The following MAK variants were observed in gnomAD, a reference collection of about 807,000 sequenced individuals.
MAK encodes the protein serine/threonine-protein kinase MAK.
Under a neutral mutation model 82.6 loss-of-function variants are expected in MAK, and 65 were observed. That is an observed-to-expected ratio of 0.79 (90% CI 0.64 to 0.97). MAK has a LOEUF of 0.97. MAK is among the 50% of genes least tolerant of loss of function. The pLI, the probability that MAK is intolerant of heterozygous loss-of-function variation, is 0.00. For missense variants in MAK, 703 were observed against 780.2 expected (o/e 0.90, Z 1.18); for synonymous variants, 250 against 274.2 (o/e 0.91, Z 0.87).
Position 10,784,528 on chromosome 6 carries a change from T to C in MAK, c.1361A>G (p.Glu454Gly), listed in dbSNP as rs1554168121. ...VPSGSNHSTG[E>G]NKSLPAVTSL... is the part of the protein sequence containing the mutation. ...AGTAACAGCAGGTAAGCTCTTGTTT[T>C]CCCCTGTCGAGTGGTTGGAGCCTGA... Residue 454 changes from glutamate (E) to glycine (G), a missense_variant, in exon 11 of 15, where the codon GAA becomes GGA. Coordinates refer to ENST00000354489, the MANE Select transcript of MAK (RefSeq NM_001242957.3). The C allele has an allele frequency of 6.2e-7, 1 of 1,614,172 alleles. No individual in the cohort carries two copies. Among genetic ancestry groups the C allele is most frequent in the Non-Finnish European group, 8.5e-7 (1 of 1,180,030 alleles).
At chr6:10,769,780 C>G (rs1772824037) in intron 14 of MAK, among the ~76,000 whole-genome samples, 1 of 152,204 alleles carries the variant, frequency 6.6e-6, no homozygotes, top group Non-Finnish European at 1.5e-5. Flanking sequence ...AGGTAAGTTA[C>G]TTCACCTACA....
At chr6:10,767,417 C>T (rs1283366642) in intron 14 of MAK, among the ~76,000 whole-genome samples, 3 of 152,020 alleles carry the variant, frequency 2.0e-5, no homozygotes, top group African/African-American at 4.8e-5. Flanking sequence ...AGTCACTCCT[C>T]GAAGTCCTTG....
chr6:10,763,615 C>T lies in MAK; in HGVS notation c.*837G>A, dbSNP rs566019210. The T allele has an allele frequency of 6.6e-5, 10 of 151,116 alleles. No individual in the cohort carries two copies. The highest frequency in any genetic ancestry group is 3.5e-3 in the Middle Eastern group (1 of 286). The allele number at this position is 151,116 out of a possible 1,614,324, so 9.4% of individuals were successfully genotyped here. ...AGCCCTGCACTTTGGGAGGCCGAGG[C>T]AGGTGGATCACCTGAGGTCAGGAGT... On this transcript the variant is annotated 3_prime_UTR_variant, in exon 15 of 15. Transcript: ENST00000354489.
At chr6:10,834,839 C>A (rs1377951151) in intron 1 of MAK, among the ~76,000 whole-genome samples, 2 of 152,104 alleles carry the variant, frequency 1.3e-5, no homozygotes, top group East Asian at 3.9e-4. Flanking sequence ...CCAGGTCCGA[C>A]CCGCAGACCC....
intron 2 of MAK, among the ~76,000 whole-genome samples, chr6:10,829,923 G>T (rs2127589693): frequency 6.7e-6 from 1 of 149,234 alleles, no homozygotes; most frequent in East Asian, 2.0e-4. Context: ...TGCAACCTCT[G>T]CCTCCCAGGT....
At chr6:10,765,781 C>T (rs892908361) in intron 14 of MAK, among the ~76,000 whole-genome samples, 4 of 152,208 alleles carry the variant, frequency 2.6e-5, no homozygotes, top group South Asian at 2.1e-4. Flanking sequence ...CCATCGCACC[C>T]GGCCCATACT....
At chr6:10,792,768 G>A (rs566974350) in intron 9 of MAK, among the ~76,000 whole-genome samples, 6 of 152,056 alleles carry the variant, frequency 3.9e-5, no homozygotes, top group Admixed American at 6.6e-5. Context: ...TGAAGCTGAC[G>A]GTATTACAGT....
chr6:10,783,379 G>GT (rs1774180303), intron 11 of MAK, among the ~76,000 whole-genome samples: 1 of 152,170 alleles, frequency 6.6e-6, no homozygotes, highest in Non-Finnish European at 1.5e-5. Flanking sequence ...CAATTCAGAT[G>GT]TTTAACAGGC....
chr6:10,772,975 AG>A lies in MAK; in HGVS notation c.1672+58del, dbSNP rs1027932266. 2.9e-5 allele frequency: 34 copies of A among 1,170,946 alleles called. No individual in the cohort carries two copies. In the African/African-American group the frequency reaches 4.1e-4, roughly 14 times the overall value. The allele number at this position is 1,170,946 out of a possible 1,614,324, so 72.5% of individuals were successfully genotyped here. ...TCAGGATTAGGGGCAAATGTTGAGA[AG>A]AAAATCAGACAAGAGATTCAAAGAA... is the stretch of plus-strand genomic sequence containing the variant. On this transcript the variant is annotated intron_variant, in intron 13 of 14. Transcript: ENST00000354489.
chr6:10,782,282 A>G (rs185197058), intron 11 of MAK, among the ~76,000 whole-genome samples: 2 of 152,200 alleles, frequency 1.3e-5, no homozygotes, highest in African/African-American at 2.4e-5. Context: ...ACCTATTTAG[A>G]TCGCCAAATA....
At chr6:10,809,298 C>G (rs1327121061) in intron 5 of MAK, among the ~76,000 whole-genome samples, 1 of 152,214 alleles carries the variant, frequency 6.6e-6, no homozygotes, top group Non-Finnish European at 1.5e-5. Context: ...ACTGTTATCA[C>G]TATTGTGCAA....
rs917474411 is a variant in MAK at position 10,806,637 on chromosome 6, G to A, written c.491+2173C>T. ...TTCCCAAAGTGCTGGGATTACAGGC[G>A]TGAGCCACTGTGCCCGGCCTAATTT... On this transcript the variant is annotated intron_variant, in intron 6 of 14. Coordinates refer to ENST00000354489, the MANE Select transcript of MAK (RefSeq NM_001242957.3). Among the ~76,000 whole-genome samples the A allele has an allele frequency of 7.9e-5, 12 of 151,302 alleles. No individual in the cohort carries two copies. In the South Asian group the frequency reaches 1.9e-3, roughly 24 times the overall value.
chr6:10,764,162 G>T lies in MAK; in HGVS notation c.*290C>A. ...TTGTTTTTTTTTAAGGGTTCTTATTGGATTTACTATTTATTAAATTGTAGA... is the reference window on the plus strand; with the variant it reads ...TTGTTTTTTTTTAAGGGTTCTTATTTGATTTACTATTTATTAAATTGTAGA... On this transcript the variant is annotated 3_prime_UTR_variant, in exon 15 of 15. Coordinates refer to ENST00000354489, the MANE Select transcript of MAK (RefSeq NM_001242957.3). 1.3e-5 allele frequency: 4 copies of T among 315,266 alleles called. No individual in the cohort carries two copies. The highest frequency in any genetic ancestry group is 4.7e-5 in the Admixed American group (1 of 21,434). 19.5% of individuals were successfully genotyped at this position (315,266 alleles called of 1,614,324 possible). A position where few individuals can be genotyped will look rare whatever the true frequency, so the allele number is the denominator to read the frequency against.
At chr6:10,784,720 T>G (rs1774367384) in intron 10 of MAK, 148 bp from the exon 11 acceptor site, 1 of 743,114 alleles carries the variant, frequency 1.3e-6, no homozygotes, top group South Asian at 1.5e-5. Flanking sequence ...TTTGGCTAAG[T>G]GACAACTTCC....
At chr6:10,822,283 G>A (rs543867666) in intron 2 of MAK, among the ~76,000 whole-genome samples, 4 of 151,042 alleles carry the variant, frequency 2.6e-5, no homozygotes, top group African/African-American at 4.9e-5. Flanking sequence ...GAGAAACCCC[G>A]TCTCTACTAA....
chr6:10,765,440 A>ATTTTTTTTTT lies in MAK; in HGVS notation c.1793-844_1793-835dup, dbSNP rs200536068. Reference sequence around the variant, plus strand: ...TTAAAATGTGGGTTTTAGAATGAAGATTTTTTTTTTTTTTTTTTTTTTTTT... The same window carrying ATTTTTTTTTT: ...TTAAAATGTGGGTTTTAGAATGAAGATTTTTTTTTTTTTTTTTTTTTTTTTTTTTTTTTTT... On this transcript the variant is annotated intron_variant, in intron 14 of 14. Coordinates refer to ENST00000354489, the MANE Select transcript of MAK (RefSeq NM_001242957.3). Among the ~76,000 whole-genome samples, 69 of 130,620 alleles carry ATTTTTTTTTT rather than the reference A, an allele frequency of 5.3e-4. 3 individuals are homozygous for ATTTTTTTTTT. The highest frequency in any genetic ancestry group is 2.1e-3 in the African/African-American group (64 of 29,988). The allele number at this position is 130,620 out of a possible 152,430, so 85.7% of individuals were successfully genotyped here.
chr6:10,832,836 T>A (rs140004495), intron 1 of MAK, among the ~76,000 whole-genome samples: 1 of 152,292 alleles, frequency 6.6e-6, no homozygotes, highest in East Asian at 1.9e-4. Context: ...TGTATGTTAT[T>A]TTTTCTAGAC....
intron 12 of MAK, among the ~76,000 whole-genome samples, chr6:10,773,690 ATTT>A (rs34702806): frequency 9.5e-5 from 13 of 136,722 alleles, no homozygotes; most frequent in Non-Finnish European, 1.4e-4. Context: ...ACTATTAGTG[ATTT>A]TTTTTTTTTT....
chr6:10,808,801 C>T lies in MAK; in HGVS notation c.491+9G>A. ...TATGCCTCAGGAGGGCTGCATAACC[C>T]CTACTCACCATCTGGTAGATACATA... On this transcript the variant is annotated intron_variant, in intron 6 of 14. Coordinates refer to ENST00000354489, the MANE Select transcript of MAK (RefSeq NM_001242957.3). 1.9e-6 allele frequency: 3 copies of T among 1,613,808 alleles called. No homozygotes were observed. The highest frequency in any genetic ancestry group is 2.5e-6 in the Non-Finnish European group (3 of 1,179,884).
Sources: allele counts gnomAD v4.1 joint callset (sites outside exome capture counted in the v4.1 genomes callset), GRCh38; gene constraint gnomAD v4.1.1; transcripts MANE v1.5; gene names NCBI Gene and HGNC (gene_info 2026-07-23, HGNC 2026-07-21).